The following NKAIN2 variants were observed in gnomAD, a reference collection of about 807,000 sequenced individuals.
The protein encoded by NKAIN2 is sodium/potassium transporting ATPase interacting 2.
Under a neutral mutation model 32.6 loss-of-function variants are expected in NKAIN2, and 14 were observed. The observed-to-expected ratio is 0.43, with a 90% CI of 0.28 to 0.67. The LOEUF (loss-of-function observed/expected upper bound fraction) is 0.67. NKAIN2 is among the 30% of genes least tolerant of loss of function. NKAIN2 has a pLI of 0.17. For missense variants in NKAIN2, 198 were observed against 258.3 expected (o/e 0.77, Z 1.60); for synonymous variants, 80 against 87.2 (o/e 0.92, Z 0.46).
At chr6:124,083,202 G>T (rs1784052207) in intron 1 of NKAIN2, among the ~76,000 whole-genome samples, 1 of 151,640 alleles carries the variant, frequency 6.6e-6, no homozygotes, top group African/African-American at 2.4e-5. Context: ...TACTAGCTGT[G>T]AAACTTTGGA....
At chr6:124,358,607 AC>A (rs1799107973) in intron 3 of NKAIN2, among the ~76,000 whole-genome samples, 1 of 151,890 alleles carries the variant, frequency 6.6e-6, no homozygotes, top group South Asian at 2.1e-4. Flanking sequence ...TCCTTCACCC[AC>A]TTTTTGATGG....
At chr6:124,287,383 T>A (rs1265982624) in intron 2 of NKAIN2, among the ~76,000 whole-genome samples, 4 of 152,196 alleles carry the variant, frequency 2.6e-5, no homozygotes, top group African/African-American at 7.2e-5. Context: ...CCATTGAGCT[T>A]GTAGCAACAA....
At chr6:124,139,055 C>G (rs957774213) in intron 1 of NKAIN2, among the ~76,000 whole-genome samples, 48 of 146,810 alleles carry the variant, frequency 3.3e-4, no homozygotes, top group African/African-American at 1.2e-3. Context: ...ACTACCTGTT[C>G]CCCAAAAACT....
At chr6:124,192,621 T>C (rs1337264333) in intron 1 of NKAIN2, among the ~76,000 whole-genome samples, 3 of 152,076 alleles carry the variant, frequency 2.0e-5, no homozygotes, top group Non-Finnish European at 4.4e-5. Flanking sequence ...ATCAATAGAG[T>C]TGTTTAGATC....
chr6:123,964,684 T>C lies in NKAIN2; in HGVS notation c.54+160430T>C, dbSNP rs996504746. Among the ~76,000 whole-genome samples, 1 of 152,176 alleles carries C rather than the reference T, an allele frequency of 6.6e-6. No individual in the cohort carries two copies. The highest frequency in any genetic ancestry group is 2.4e-5 in the African/African-American group (1 of 41,456). On this transcript the variant is annotated intron_variant, in intron 1 of 6. Transcript: ENST00000368417. The surrounding 1 kb of genome is among the most constrained non-coding windows in gnomAD (Gnocchi z 4.0). Reference sequence around the variant, plus strand: ...GGAGTGTTGCCCAGCCACTTTCCTGTACTCACATTCACCCAGCATCTATCT... The same window carrying C: ...GGAGTGTTGCCCAGCCACTTTCCTGCACTCACATTCACCCAGCATCTATCT...
rs1411497078 is a variant in NKAIN2, at chr6:124,322,406, C to T, written c.193-32861C>T. Among the ~76,000 whole-genome samples the T allele has an allele frequency of 3.3e-5, 5 of 152,046 alleles. No individual in the cohort carries two copies. The East Asian group carries it at 5.8e-4, about 18-fold the overall frequency. On this transcript the variant is annotated intron_variant, in intron 2 of 6. Coordinates refer to ENST00000368417, the MANE Select transcript of NKAIN2 (RefSeq NM_001040214.3). ...ATCGTTATATTCTATTTAACTATAGCGCAATATCCAAAATGAGAAATTGAC... is the reference window on the plus strand; with the variant it reads ...ATCGTTATATTCTATTTAACTATAGTGCAATATCCAAAATGAGAAATTGAC...
At chr6:124,092,408 G>C (rs1196861767) in intron 1 of NKAIN2, among the ~76,000 whole-genome samples, 1 of 152,028 alleles carries the variant, frequency 6.6e-6, no homozygotes, top group Non-Finnish European at 1.5e-5. Flanking sequence ...TTCTATAAAA[G>C]TATTTTAGTG....
chr6:124,500,591 T>C (rs1324185080), intron 3 of NKAIN2, among the ~76,000 whole-genome samples: 3 of 152,028 alleles, frequency 2.0e-5, no homozygotes, highest in Non-Finnish European at 1.5e-5. Flanking sequence ...GAGGCAGAGT[T>C]TGATGTGAGC....
chr6:124,014,030 G>GTTTA (rs1156717790), intron 1 of NKAIN2, among the ~76,000 whole-genome samples: 2 of 152,160 alleles, frequency 1.3e-5, no homozygotes, highest in Non-Finnish European at 2.9e-5. Flanking sequence ...TGTTCTTTAA[G>GTTTA]CCACTAGGTG....
At chr6:123,969,601 A>G (rs977250136) in intron 1 of NKAIN2, among the ~76,000 whole-genome samples, 2 of 152,180 alleles carry the variant, frequency 1.3e-5, no homozygotes, top group Admixed American at 6.5e-5. Flanking sequence ...TTCAAATAGC[A>G]TGCCTATTTT....
At chr6:124,764,560 A>C (rs1273218148) in intron 4 of NKAIN2, among the ~76,000 whole-genome samples, 1 of 152,296 alleles carries the variant, frequency 6.6e-6, no homozygotes, top group East Asian at 1.9e-4. Context: ...AGAATCCACA[A>C]CTTAGAAGGA....
At chr6:124,457,816 C>G (rs752871747) in intron 3 of NKAIN2, among the ~76,000 whole-genome samples, 24 of 151,910 alleles carry the variant, frequency 1.6e-4, no homozygotes, top group Non-Finnish European at 2.7e-4. Flanking sequence ...AAACCTGGTG[C>G]CTTCCCTTGG....
chr6:124,692,040 T>C (rs1774282544), intron 4 of NKAIN2, among the ~76,000 whole-genome samples: 1 of 152,206 alleles, frequency 6.6e-6, no homozygotes, highest in African/African-American at 2.4e-5. Context: ...CGAATAAAAC[T>C]GAATATTTGG....
chr6:123,847,827 A>T (rs1775155824), intron 1 of NKAIN2, among the ~76,000 whole-genome samples: 4 of 152,140 alleles, frequency 2.6e-5, no homozygotes, highest in Admixed American at 2.6e-4. Context: ...AAAAATCTTA[A>T]AAAAATGCTG....
In NKAIN2 at chr6:124,260,759, A is replaced by G. The variant is rs1794212195; in HGVS notation, c.55-22246A>G. ...TATCCTGTAAATAGATTGCAAGGGAACAAGGGCATGGAAAAGTCTCTAATA... is the reference window on the plus strand; with the variant it reads ...TATCCTGTAAATAGATTGCAAGGGAGCAAGGGCATGGAAAAGTCTCTAATA... On this transcript the variant is annotated intron_variant, in intron 1 of 6. Coordinates refer to ENST00000368417, the MANE Select transcript of NKAIN2 (RefSeq NM_001040214.3). Among the ~76,000 whole-genome samples, 7 of 143,104 alleles carry G rather than the reference A, an allele frequency of 4.9e-5. No individual in the cohort carries two copies. The Admixed American group carries it at 5.0e-4, about 10-fold the overall frequency. The allele number at this position is 143,104 out of a possible 152,430, so 93.9% of individuals were successfully genotyped here. A position where few individuals can be genotyped will look rare whatever the true frequency, so the allele number is the denominator to read the frequency against.
chr6:124,238,972 T>C, intron 1 of NKAIN2, among the ~76,000 whole-genome samples: 1 of 151,582 alleles, frequency 6.6e-6, no homozygotes, highest in East Asian at 1.9e-4. Context: ...AACTAGCAAA[T>C]TGTATAAAGA....
chr6:124,274,608 C>G (rs1371158751), intron 1 of NKAIN2, among the ~76,000 whole-genome samples: 1 of 152,048 alleles, frequency 6.6e-6, no homozygotes, highest in Non-Finnish European at 1.5e-5. Flanking sequence ...TCTCTCTCAT[C>G]ATCAATGTGA....
chr6:123,991,768 A>C (rs955817474), intron 1 of NKAIN2, among the ~76,000 whole-genome samples: 1 of 152,124 alleles, frequency 6.6e-6, no homozygotes, highest in Non-Finnish European at 1.5e-5. Context: ...AGGCTGAGGC[A>C]GGTGAATGGT....
At chr6:124,565,878 A>C (rs1386405086) in intron 3 of NKAIN2, among the ~76,000 whole-genome samples, 1 of 152,194 alleles carries the variant, frequency 6.6e-6, no homozygotes, top group Non-Finnish European at 1.5e-5. Context: ...AATCTTGAAT[A>C]CATTTAATTT....
Sources: gnomAD v4.1 joint callset for allele counts (sites outside exome capture counted in the v4.1 genomes callset) on GRCh38, gnomAD v4.1.1 for gene constraint, Gnocchi (gnomAD v3.1) non-coding constraint, MANE v1.5 for transcripts, NCBI Gene and HGNC (gene_info 2026-07-23, HGNC 2026-07-21) for gene names.